FBXO21: variants seen among roughly 807,000 people sequenced by gnomAD.
FBXO21 encodes F-box only protein 21.
FBXO21 carries 32 observed loss-of-function variants against 76.6 expected under a neutral mutation model. That is an observed-to-expected ratio of 0.42 (90% CI 0.32 to 0.56). FBXO21 has a LOEUF of 0.56. Ranked by LOEUF, FBXO21 falls within the 20% of genes least tolerant of loss-of-function variation. FBXO21 has a pLI of 0.16. For synonymous variants in FBXO21, 328 were observed against 311.5 expected (o/e 1.05, Z -0.56); for missense variants, 586 against 797.3 (o/e 0.73, Z 3.19).
At chr12:117,174,073 G>T in intron 6 of FBXO21, 132 bp downstream of exon 6, 1 of 716,954 alleles carries the variant, frequency 1.4e-6, no homozygotes, top group Non-Finnish European at 2.4e-6. Flanking sequence ...GGAGTTTGAG[G>T]TTGCGGTAAG....
chr12:117,146,333 C>A (rs894069095), intron 11 of FBXO21, 56 bp from the exon 12 acceptor site: 1 of 1,456,300 alleles, frequency 6.9e-7, no homozygotes, highest in East Asian at 2.3e-5. Flanking sequence ...GCTGCCACAC[C>A]TTTCATCCAG....
At chr12:117,153,153 G>C (rs7489177) in intron 11 of FBXO21, among the ~76,000 whole-genome samples, 27,545 of 151,798 alleles carry the variant, frequency 0.18, 3,131 homozygotes, top group East Asian at 0.41. Context: ...GAAAATGCCC[G>C]GTTGGGGACA....
At chr12:117,172,398 G>A in intron 7 of FBXO21, 73 bp downstream of exon 7, 1 of 1,534,440 alleles carries the variant, frequency 6.5e-7, no homozygotes, top group East Asian at 2.3e-5. Flanking sequence ...ACTTGATGAT[G>A]AAAATCAGAC....
At chr12:117,178,615 C>T (rs1956197942) in intron 3 of FBXO21, among the ~76,000 whole-genome samples, 1 of 151,966 alleles carries the variant, frequency 6.6e-6, no homozygotes, top group African/African-American at 2.4e-5. Flanking sequence ...GTCCAGCCAC[C>T]CAAGCATTCC....
intron 11 of FBXO21, chr12:117,155,436 G>T (rs1386311942): frequency 8.4e-6 from 2 of 238,948 alleles, no homozygotes; most frequent in East Asian, 9.6e-5. Flanking sequence ...AGCACTAGGG[G>T]GCCCCCAGGT....
In FBXO21 at chr12:117,190,461, T is replaced by C; in HGVS notation, c.-5A>G. The C allele has an allele frequency of 7.8e-7, 1 of 1,277,342 alleles. No individual in the cohort carries two copies. Among genetic ancestry groups the C allele is most frequent in the East Asian group, 3.0e-5 (1 of 33,664 alleles). The allele number at this position is 1,277,342 out of a possible 1,614,324, so 79.1% of individuals were successfully genotyped here. On this transcript the variant is annotated 5_prime_UTR_variant, in exon 1 of 12. Transcript: ENST00000622495. ...GTCGACTGCTGCCGCCGCCATCTTG[T>C]CCGCGTACCTGGGGCCGCCGCGCGC...
chr12:117,181,600 T>TC (rs1956232988), intron 3 of FBXO21, among the ~76,000 whole-genome samples: 1 of 20,318 alleles, frequency 4.9e-5, no homozygotes, highest in Non-Finnish European at 8.0e-5. Flanking sequence ...TCTGAGACAG[T>TC]CTATCTATCT....
In FBXO21 at chr12:117,190,224, CG is replaced by C. The variant is rs1956331556; in HGVS notation, c.232del (p.Arg78GlyfsTer2). 1.3e-6 allele frequency: 2 copies of C among 1,500,742 alleles called. No homozygotes were observed. The highest frequency in any genetic ancestry group is 1.8e-6 in the Non-Finnish European group (2 of 1,131,296). 93.0% of individuals were successfully genotyped at this position (1,500,742 alleles called of 1,614,324 possible). On this transcript the variant is annotated frameshift_variant, in exon 1 of 12. Coordinates refer to ENST00000622495, the MANE Select transcript of FBXO21 (RefSeq NM_015002.3). LOFTEE classifies it high-confidence loss of function. ...CGCGGGGCCGCTGGCTCACCTCACC[CG>C]GAACTGCTCCTTCCACACCTTCCCG... ...SSGKVWKEQF[R>X]VRWPSLMKHY...
Position 117,172,516 on chromosome 12 carries a change from T to C in FBXO21, c.968A>G (p.Asn323Ser), listed in dbSNP as rs373858044. The C allele has an allele frequency of 5.7e-5, 92 of 1,614,088 alleles. No homozygotes were observed. Among genetic ancestry groups the C allele is most frequent in the Middle Eastern group, 1.7e-4 (1 of 6,050 alleles). The stretch of plus-strand genomic sequence containing the variant: ...CCTTAATAAGAAGTGACTTGGGAAG[T>C]TGACAGGCTCCAGTGGGACTCCCAA... The part of the protein sequence containing the change: ...RQLGVPLEPV[N>S]FPSHFLLRWC... The change falls in exon 7 of 12, where the codon AAC (asparagine) becomes AGC (serine). Residue 323 changes from asparagine (N) to serine (S), a missense_variant. Transcript: ENST00000622495.
chr12:117,189,504 A>T (rs925663993), intron 1 of FBXO21, 142 bp from the exon 2 acceptor site: 14 of 749,694 alleles, frequency 1.9e-5, no homozygotes, highest in Non-Finnish European at 2.9e-5. Flanking sequence ...TCAAAACCCC[A>T]CCAGCATTCA....
intron 11 of FBXO21, among the ~76,000 whole-genome samples, chr12:117,151,539 CAAGAA>C (rs1397212524): frequency 1.3e-5 from 2 of 152,112 alleles, no homozygotes; most frequent in East Asian, 3.9e-4. Context: ...AAATTTAGAT[CAAGAA>C]AAGTGTTTAA....
intron 9 of FBXO21, among the ~76,000 whole-genome samples, chr12:117,164,362 C>G (rs530982848): frequency 6.6e-6 from 1 of 151,510 alleles, no homozygotes; most frequent in Non-Finnish European, 1.5e-5. Context: ...CTGCAACCTC[C>G]GCCTCCTGGG....
chr12:117,179,507 C>A (rs1284249708), intron 3 of FBXO21, among the ~76,000 whole-genome samples: 1 of 152,036 alleles, frequency 6.6e-6, no homozygotes, highest in Non-Finnish European at 1.5e-5. Context: ...GTTTGACCTG[C>A]AGTTTCCCAT....
At chr12:117,155,744 A>G (rs1355752747) in intron 11 of FBXO21, 47 bp downstream of exon 11, 1 of 1,575,402 alleles carries the variant, frequency 6.3e-7, no homozygotes, top group East Asian at 2.3e-5. Context: ...ACGTGCGCTG[A>G]AAACACGCCC....
intron 8 of FBXO21, among the ~76,000 whole-genome samples, chr12:117,166,588 T>C (rs1956056332): frequency 6.6e-6 from 1 of 152,244 alleles, no homozygotes; most frequent in Non-Finnish European, 1.5e-5. Flanking sequence ...CTACTTTCCC[T>C]ATATGACAAA....
chr12:117,155,552 G>A (rs1013379613), intron 11 of FBXO21: 5 of 585,584 alleles, frequency 8.5e-6, no homozygotes, highest in Non-Finnish European at 1.5e-5. Flanking sequence ...AGATGTCCGG[G>A]CTGTGGGAGC....
chr12:117,183,664 A>G (rs573373437), intron 3 of FBXO21, among the ~76,000 whole-genome samples: 29 of 152,306 alleles, frequency 1.9e-4, no homozygotes, highest in African/African-American at 2.9e-4. Context: ...ACATTTTTCA[A>G]TATCTCTTGA....
Position 117,147,277 on chromosome 12 carries a change from G to A in FBXO21, c.1676-1000C>T, listed in dbSNP as rs369658348. 6.1e-4 allele frequency among the ~76,000 whole-genome samples: 54 copies of A among 87,974 alleles called. 2 individuals carry two copies. The East Asian group carries it at 0.011, about 19-fold the overall frequency. The allele number at this position is 87,974 out of a possible 152,430, so 57.7% of individuals were successfully genotyped here. A position where few individuals can be genotyped will look rare whatever the true frequency, so the allele number is the denominator to read the frequency against. On this transcript the variant is annotated intron_variant, in intron 11 of 11. Transcript: ENST00000622495. ...AAAGAAAGAAAGAAATAGAAAATAA[G>A]ACTGAAAAAATGGAAAAAAAAAAAA...
intron 8 of FBXO21, 97 bp downstream of exon 8, chr12:117,166,801 G>C: frequency 2.0e-6 from 2 of 1,006,784 alleles, no homozygotes; most frequent in Non-Finnish European, 3.0e-6. Flanking sequence ...CTACTGCAAA[G>C]ATCTCAACGA....
Sources: gnomAD v4.1 joint callset for allele counts (sites outside exome capture counted in the v4.1 genomes callset) on GRCh38, gnomAD v4.1.1 for gene constraint, MANE v1.5 for transcripts, NCBI Gene and HGNC (gene_info 2026-07-23, HGNC 2026-07-21) for gene names.